The following NRP2 variants were observed in gnomAD, a reference collection of about 807,000 sequenced individuals.
NRP2 encodes the protein neuropilin 2, also known as neuropilin-2.
Under a neutral mutation model 110.4 loss-of-function variants are expected in NRP2, and 52 were observed. The observed-to-expected ratio is 0.47, with a 90% CI of 0.38 to 0.59. The LOEUF is 0.59. Among genes scored for constraint, NRP2 ranks in the 20% least tolerant of loss-of-function variants. The probability of loss-of-function intolerance (pLI) is 0.00; values close to 1 mark genes in which losing one functional copy is unlikely to be tolerated. For missense variants in NRP2, 1,049 were observed against 1,203.0 expected, an observed-to-expected ratio of 0.87 and a Z score of 1.89; for synonymous variants, 508 against 468.9, an observed-to-expected ratio of 1.08 and a Z score of -1.08.
intron 2 of NRP2, among the ~76,000 whole-genome samples, chr2:205,706,347 A>G (rs1224817716): frequency 6.6e-6 from 1 of 152,140 alleles, no homozygotes; most frequent in Non-Finnish European, 1.5e-5. Flanking sequence ...TGGAACAAAT[A>G]ATTGTTTTAT....
chr2:205,746,977 T>C (rs1228546721), intron 10 of NRP2, among the ~76,000 whole-genome samples: 1 of 152,068 alleles, frequency 6.6e-6, no homozygotes, highest in Non-Finnish European at 1.5e-5. Context: ...TAACTCCCCA[T>C]TACCTGGGGA....
At position 205,728,052 on chromosome 2, in the gene NRP2, T is replaced by G; in HGVS notation, c.1146+6T>G. ...GGCATGGCAAAAACCACAAGGTAAA[T>G]CCATGATCCTACCTTAAAGGCACAT... On this transcript the variant is annotated splice_donor_region_variant and intron_variant, in intron 7 of 16. Coordinates refer to ENST00000357785, the MANE Select transcript of NRP2 (RefSeq NM_003872.3). 6.2e-7 allele frequency: 1 copy of G among 1,613,910 alleles called. No homozygotes were observed. The highest frequency in any genetic ancestry group is 1.1e-5 in the South Asian group (1 of 91,072).
intron 8 of NRP2, among the ~76,000 whole-genome samples, chr2:205,742,699 A>G (rs2057464786): frequency 6.6e-6 from 1 of 152,230 alleles, no homozygotes. Context: ...AAATAATTCA[A>G]TGTTTAGCTC....
At chr2:205,760,773 A>C (rs563117908) in intron 12 of NRP2, 16 of 152,282 alleles carry the variant, frequency 1.1e-4, no homozygotes, top group African/African-American at 3.1e-4. Context: ...CCAGTTCTTC[A>C]CACTTCCACA....
intron 9 of NRP2, among the ~76,000 whole-genome samples, chr2:205,745,434 A>T (rs1385943568): frequency 1.3e-5 from 2 of 152,168 alleles, no homozygotes; most frequent in Non-Finnish European, 2.9e-5. Context: ...CTGAAAACGC[A>T]GTTGGAGCCA....
intron 15 of NRP2, among the ~76,000 whole-genome samples, chr2:205,768,909 C>A (rs1043408089): frequency 6.6e-6 from 1 of 152,140 alleles, no homozygotes; most frequent in Admixed American, 6.5e-5. Flanking sequence ...CACCTTGGCA[C>A]GTTTTACATG....
intron 15 of NRP2, chr2:205,779,717 T>C (rs2058152304): frequency 6.6e-6 from 1 of 152,034 alleles, no homozygotes; most frequent in Non-Finnish European, 1.5e-5. Flanking sequence ...TATACAAACA[T>C]GTGAGGTTTT....
chr2:205,738,338 C>G (rs1288809253), intron 7 of NRP2, among the ~76,000 whole-genome samples: 1 of 152,162 alleles, frequency 6.6e-6, no homozygotes, highest in Admixed American at 6.5e-5. Flanking sequence ...GCTCACAACA[C>G]CCATCCGAAA....
In NRP2 at chr2:205,763,559, TA is replaced by T; in HGVS notation, c.2045-112del. On this transcript the variant is annotated intron_variant, in intron 12 of 16. Coordinates refer to ENST00000357785, the MANE Select transcript of NRP2 (RefSeq NM_003872.3). The surrounding 1 kb of genome is among the most constrained non-coding windows in gnomAD (Gnocchi z 4.0). ...AGAGCCTGGAGAACAAGGACATGAA[TA>T]AACCAAAGACACCGAAACTCAGTCC... The T allele has an allele frequency of 7.3e-7, 1 of 1,374,222 alleles. No homozygotes were observed. The highest frequency in any genetic ancestry group is 1.0e-6 in the Non-Finnish European group (1 of 964,198). 85.1% of individuals were successfully genotyped at this position (1,374,222 alleles called of 1,614,324 possible). A position where few individuals can be genotyped will look rare whatever the true frequency, so the allele number is the denominator to read the frequency against.
At chr2:205,730,359 G>A (rs1348870346) in intron 7 of NRP2, among the ~76,000 whole-genome samples, 3 of 152,088 alleles carry the variant, frequency 2.0e-5, no homozygotes, top group Non-Finnish European at 2.9e-5. Flanking sequence ...TGCCATGGGG[G>A]GAGGTGGGGG....
intron 7 of NRP2, among the ~76,000 whole-genome samples, chr2:205,738,939 T>C (rs2057392980): frequency 6.6e-6 from 1 of 152,214 alleles, no homozygotes; most frequent in South Asian, 2.1e-4. Flanking sequence ...TATGGTGTCT[T>C]CAGTGGTGTG....
chr2:205,722,771 T>G, intron 4 of NRP2, 63 bp downstream of exon 4: 1 of 1,359,512 alleles, frequency 7.4e-7, no homozygotes, highest in Non-Finnish European at 1.0e-6. Context: ...GCTTTAGTGA[T>G]GATAAAGAGG....
intron 15 of NRP2, among the ~76,000 whole-genome samples, chr2:205,782,660 G>A (rs1376609162): frequency 6.6e-6 from 1 of 152,118 alleles, no homozygotes; most frequent in Non-Finnish European, 1.5e-5. Context: ...ATTTGGTTTT[G>A]TGTAAATGGT....
chr2:205,711,040 T>C (rs2056787670), intron 2 of NRP2, among the ~76,000 whole-genome samples: 1 of 152,258 alleles, frequency 6.6e-6, no homozygotes, highest in Non-Finnish European at 1.5e-5. Flanking sequence ...GGCAACATTT[T>C]GGTTTTCAGA....
intron 6 of NRP2, among the ~76,000 whole-genome samples, chr2:205,726,355 T>C (rs555547210): frequency 2.0e-5 from 3 of 152,212 alleles, no homozygotes; most frequent in Non-Finnish European, 4.4e-5. Context: ...CCTATCACTA[T>C]AGATATCCAA....
chr2:205,683,646 G>T (rs759537303), intron 1 of NRP2, among the ~76,000 whole-genome samples: 10 of 152,048 alleles, frequency 6.6e-5, no homozygotes, highest in Non-Finnish European at 1.0e-4. Context: ...TGAATCAAAG[G>T]TTTAAAAATA....
intron 12 of NRP2, among the ~76,000 whole-genome samples, chr2:205,757,044 G>A (rs561971777): frequency 1.3e-5 from 2 of 152,356 alleles, no homozygotes; most frequent in East Asian, 3.9e-4. Flanking sequence ...GAATCCTCCA[G>A]TGTGTGTTCC....
rs1470786537 is a variant in NRP2, at chr2:205,743,400, A to G, written c.1489A>G (p.Thr497Ala). ...WLQVDLGTPKTVKGVIIQGAR... is the reference protein window; with the variant it reads ...WLQVDLGTPKAVKGVIIQGAR... Reference sequence around the variant, plus strand: ...TCAGGTAGATCTGGGAACACCCAAGACAGTGAAAGGTGTCATCATCCAGGG... The same window carrying G: ...TCAGGTAGATCTGGGAACACCCAAGGCAGTGAAAGGTGTCATCATCCAGGG... The change falls in exon 9 of 17, where the codon ACA becomes GCA. Residue 497 changes from threonine (T) to alanine (A), a missense_variant. Coordinates refer to ENST00000357785, the MANE Select transcript of NRP2 (RefSeq NM_003872.3). 1 of 1,614,214 alleles carries G rather than the reference A, an allele frequency of 6.2e-7. No individual in the cohort carries two copies. The highest frequency in any genetic ancestry group is 8.5e-7 in the Non-Finnish European group (1 of 1,180,044).
chr2:205,703,468 C>T (rs918009806), intron 2 of NRP2, among the ~76,000 whole-genome samples: 1 of 152,224 alleles, frequency 6.6e-6, no homozygotes, highest in African/African-American at 2.4e-5. Context: ...AGTTAAGCAA[C>T]TGGCCCAAGG....
Sources: allele counts gnomAD v4.1 joint callset (sites outside exome capture counted in the v4.1 genomes callset), GRCh38; gene constraint gnomAD v4.1.1; non-coding constraint Gnocchi (gnomAD v3.1); transcripts MANE v1.5; gene names NCBI Gene and HGNC (gene_info 2026-07-23, HGNC 2026-07-21).